Variants in ESR1 observed in about 807,000 individuals in gnomAD.
ESR1 encodes estrogen receptor.
In ESR1, 12 loss-of-function variants were observed where a neutral mutation model predicts 52.7. The observed-to-expected ratio is 0.23, with a 90% CI of 0.15 to 0.37. The LOEUF is 0.37. ESR1 is among the 10% of genes least tolerant of loss of function. ESR1 has a pLI of 1.00. For missense variants in ESR1, 584 were observed against 779.7 expected, an observed-to-expected ratio of 0.75 and a Z score of 2.99; for synonymous variants, 305 against 316.8, an observed-to-expected ratio of 0.96 and a Z score of 0.39.
intron 2 of ESR1, among the ~76,000 whole-genome samples, chr6:151,863,739 C>A (rs918439168): frequency 2.0e-5 from 3 of 151,954 alleles, no homozygotes; most frequent in African/African-American, 7.2e-5. Flanking sequence ...CAGAACAGAG[C>A]CCTCAGAAAT....
Position 151,702,969 on chromosome 6 carries a change from T to C in ESR1, c.-71+964T>C, listed in dbSNP as rs183917018. 9.8e-5 allele frequency among the ~76,000 whole-genome samples: 15 copies of C among 152,324 alleles called. No homozygotes were observed. The East Asian group carries it at 2.9e-3, about 29-fold the overall frequency. On this transcript the variant is annotated intron_variant, in intron 2 of 2. Transcript: ENST00000404742. The stretch of plus-strand genomic sequence containing the variant: ...AATACTATCCTAGCCTTCAAAATGT[T>C]CAAAAGCACAGGAAGTCTGCACTTT...
chr6:151,771,888 G>C (rs965320370), intron 2 of ESR1, among the ~76,000 whole-genome samples: 2 of 151,960 alleles, frequency 1.3e-5, no homozygotes, highest in Non-Finnish European at 1.5e-5. Flanking sequence ...AAATTACTTG[G>C]AATGGAATAT....
At chr6:151,723,585 G>A (rs1191111502) in intron 2 of ESR1, among the ~76,000 whole-genome samples, 1 of 152,128 alleles carries the variant, frequency 6.6e-6, no homozygotes, top group Non-Finnish European at 1.5e-5. Context: ...AACAGCGCTT[G>A]TGGCCGGATA....
rs555286884 is a variant in ESR1, at chr6:151,972,828, A to C, written c.1096+28320A>C. ...AGCCAGTCCAAGTCCCAAAACCTCA[A>C]AAGCAGGGAAGCCAAAAGTGCAGCC... On this transcript the variant is annotated intron_variant, in intron 4 of 7. Coordinates refer to ENST00000206249, the MANE Select transcript of ESR1 (RefSeq NM_000125.4). Among the ~76,000 whole-genome samples, 16 of 152,314 alleles carry C rather than the reference A, an allele frequency of 1.1e-4. No individual in the cohort carries two copies. In the East Asian group the frequency reaches 3.1e-3, roughly 29 times the overall value.
chr6:151,791,418 T>C (rs1469825822), intron 2 of ESR1, among the ~76,000 whole-genome samples: 1 of 152,228 alleles, frequency 6.6e-6, no homozygotes, highest in Non-Finnish European at 1.5e-5. Context: ...TCTTCCTTTG[T>C]CTTCTGCCAT....
intron 2 of ESR1, 108 bp downstream of exon 2, chr6:151,842,895 G>T (rs943390991): frequency 1.1e-5 from 10 of 923,746 alleles, no homozygotes; most frequent in Non-Finnish European, 1.7e-5. Context: ...TACAAAACAT[G>T]AATCCCTAGT....
intron 6 of ESR1, among the ~76,000 whole-genome samples, chr6:152,078,410 C>G (rs545206131): frequency 6.6e-6 from 1 of 152,294 alleles, no homozygotes; most frequent in Admixed American, 6.5e-5. Context: ...TTCATAAGAC[C>G]TCTCTTTGCA....
intron 2 of ESR1, among the ~76,000 whole-genome samples, chr6:151,867,580 A>C (rs896370522): frequency 1.3e-5 from 2 of 152,248 alleles, no homozygotes; most frequent in Non-Finnish European, 2.9e-5. Flanking sequence ...AGAGAAATGC[A>C]AATCAAAACC....
intron 2 of ESR1, among the ~76,000 whole-genome samples, chr6:151,715,938 C>T (rs1287834230): frequency 6.6e-6 from 1 of 152,128 alleles, no homozygotes; most frequent in Non-Finnish European, 1.5e-5. Flanking sequence ...AATTGTCAGC[C>T]TTTTTGTACT....
Position 151,968,031 on chromosome 6 carries a change from G to GT in ESR1, c.1096+23532dup, listed in dbSNP as rs534062585. 1.7e-4 allele frequency among the ~76,000 whole-genome samples: 26 copies of GT among 150,634 alleles called. No individual in the cohort carries two copies. The South Asian group carries it at 3.8e-3, about 22-fold the overall frequency. ...CCTTCGCCCACTTTTTGATGGGGTT[G>GT]TTTTTTTTTCTTGTAAATTTGTTTA... On this transcript the variant is annotated intron_variant, in intron 4 of 7. Coordinates refer to ENST00000206249, the MANE Select transcript of ESR1 (RefSeq NM_000125.4).
At position 152,094,617 on chromosome 6, in the gene ESR1, C is replaced by T. The variant is rs200592366; in HGVS notation, c.1553+49C>T. On this transcript the variant is annotated intron_variant, in intron 7 of 7. Coordinates refer to ENST00000206249, the MANE Select transcript of ESR1 (RefSeq NM_000125.4). The surrounding 1 kb of genome is among the most constrained non-coding windows in gnomAD (Gnocchi z 4.6). ...CAGGAGAGACATAAAGAAAACATGC[C>T]CCCAAACCTATGTGACAGCTGGCCG... 3.2e-6 allele frequency: 5 copies of T among 1,571,044 alleles called. No individual in the cohort carries two copies. The highest frequency in any genetic ancestry group is 4.4e-6 in the Non-Finnish European group (5 of 1,148,708).
chr6:152,063,366 C>T (rs1348101523), intron 6 of ESR1, among the ~76,000 whole-genome samples: 1 of 152,158 alleles, frequency 6.6e-6, no homozygotes, highest in African/African-American at 2.4e-5. Flanking sequence ...ACTGCTGGCT[C>T]AGGAGAGCAG....
At chr6:151,906,834 C>T (rs1025478716) in intron 3 of ESR1, among the ~76,000 whole-genome samples, 15 of 150,466 alleles carry the variant, frequency 1.0e-4, no homozygotes, top group African/African-American at 2.7e-4. Context: ...CTTCCCTGGA[C>T]GCTATAAAGT....
chr6:152,029,756 G>A (rs368719776), intron 5 of ESR1, among the ~76,000 whole-genome samples: 3,605 of 152,222 alleles, frequency 0.024, 126 homozygotes, highest in African/African-American at 0.079. Context: ...ATCTAGCAAG[G>A]CAGGCCAACA....
chr6:151,782,291 TA>T (rs1205852487), intron 2 of ESR1, among the ~76,000 whole-genome samples: 1 of 152,242 alleles, frequency 6.6e-6, no homozygotes, highest in Non-Finnish European at 1.5e-5. Flanking sequence ...TAGAAAGTGT[TA>T]AAAATTATAA....
chr6:151,856,306 A>T (rs1787816642), intron 2 of ESR1, among the ~76,000 whole-genome samples: 1 of 152,220 alleles, frequency 6.6e-6, no homozygotes, highest in Non-Finnish European at 1.5e-5. Flanking sequence ...GTCCCAAGCT[A>T]CAATTTATTA....
intron 5 of ESR1, among the ~76,000 whole-genome samples, chr6:152,039,948 A>G (rs556102704): frequency 6.6e-6 from 1 of 152,316 alleles, no homozygotes; most frequent in Admixed American, 6.5e-5. Context: ...ATGCCATGAC[A>G]GTGGGTAAAG....
chr6:151,670,841 T>TCACTCCAA (rs1778031721), intron 1 of ESR1, among the ~76,000 whole-genome samples: 1 of 141,226 alleles, frequency 7.1e-6, no homozygotes, highest in Non-Finnish European at 1.5e-5. Context: ...CAATCTCGGC[T>TCACTCCAA]CACTCCAATA....
At chr6:151,855,297 T>C (rs758376309) in intron 2 of ESR1, among the ~76,000 whole-genome samples, 49 of 152,210 alleles carry the variant, frequency 3.2e-4, no homozygotes, top group Non-Finnish European at 5.7e-4. Context: ...ACCATGGAGA[T>C]GGTTTTTCTC....
Sources: gnomAD v4.1 joint callset for allele counts (sites outside exome capture counted in the v4.1 genomes callset) on GRCh38, gnomAD v4.1.1 for gene constraint, Gnocchi (gnomAD v3.1) non-coding constraint, MANE v1.5 for transcripts, NCBI Gene and HGNC (gene_info 2026-07-23, HGNC 2026-07-21) for gene names.